Variants in PGR observed in about 807,000 individuals in gnomAD.
The protein encoded by PGR is progesterone receptor, also known as nuclear receptor subfamily 3 group C member 3.
A neutral mutation model predicts 76.1 loss-of-function variants in PGR; 25 were observed. The ratio of observed to expected loss-of-function variants is 0.33; its 90% confidence interval spans 0.24 to 0.46. PGR has a LOEUF of 0.46. Ranked by LOEUF, PGR falls within the 20% of genes least tolerant of loss-of-function variation. The pLI is 1.00. For missense variants in PGR, 1,172 were observed against 1,225.3 expected, an observed-to-expected ratio of 0.96 and a Z score of 0.65; for synonymous variants, 579 against 535.0, an observed-to-expected ratio of 1.08 and a Z score of -1.14.
chr11:101,105,856 C>T (rs572415033), intron 2 of PGR, among the ~76,000 whole-genome samples: 1 of 152,272 alleles, frequency 6.6e-6, no homozygotes, highest in East Asian at 1.9e-4. Flanking sequence ...ACCAAAACAG[C>T]ATGGCACTGG....
chr11:101,045,835 T>C (rs1048421729), intron 6 of PGR, among the ~76,000 whole-genome samples: 1 of 152,138 alleles, frequency 6.6e-6, no homozygotes, highest in Admixed American at 6.6e-5. Flanking sequence ...GACATAATGA[T>C]TTCTTTTCCT....
chr11:101,106,079 A>G (rs562906716), intron 2 of PGR, among the ~76,000 whole-genome samples: 3 of 152,338 alleles, frequency 2.0e-5, no homozygotes, highest in Admixed American at 2.0e-4. Context: ...AATTAACTCA[A>G]GATGGATTAA....
In PGR at chr11:101,036,785, A is replaced by C. The variant is rs1481833825; in HGVS notation, c.*2331T>G. ...ACCACATTCTATTCCCTCATAGTTG[A>C]GTGAAATTAGAAAATTTTAAAGTTA... On this transcript the variant is annotated 3_prime_UTR_variant, in exon 8 of 8. Coordinates refer to ENST00000325455, the MANE Select transcript of PGR (RefSeq NM_000926.4). The C allele has an allele frequency of 5.1e-6, 1 of 194,520 alleles. No individual in the cohort carries two copies. The highest frequency in any genetic ancestry group is 1.1e-5 in the Non-Finnish European group (1 of 93,328). The allele number at this position is 194,520 out of a possible 1,614,324, so 12.0% of individuals were successfully genotyped here. A position where few individuals can be genotyped will look rare whatever the true frequency, so the allele number is the denominator to read the frequency against.
chr11:101,096,709 A>C (rs1861845592), intron 2 of PGR, among the ~76,000 whole-genome samples: 1 of 152,216 alleles, frequency 6.6e-6, no homozygotes, highest in Non-Finnish European at 1.5e-5. Flanking sequence ...TTCTTCAGAC[A>C]ACAGCCCACA....
At position 101,062,672 on chromosome 11, in the gene PGR, G is replaced by A. The variant is rs768769081; in HGVS notation, c.1987C>T (p.Pro663Ser). ...TGGCTTAGGGCTTGGCTTTCATTTGGAACGCCCACTGGCTGTGGGAGAGCA... is the reference window on the plus strand; with the variant it reads ...TGGCTTAGGGCTTGGCTTTCATTTGAAACGCCCACTGGCTGTGGGAGAGCA... ...AVALPQPVGV[P>S]NESQALSQRF... Residue 663 changes from proline to serine, a missense_variant, in exon 4 of 8, where the codon CCA (proline) becomes TCA (serine). Around this residue, in one of 4 missense-constraint regions of PGR, gnomAD observed 73 missense variants for 60.7 expected, o/e 1.20. Coordinates refer to ENST00000325455, the MANE Select transcript of PGR (RefSeq NM_000926.4). The A allele has an allele frequency of 3.7e-6, 6 of 1,613,878 alleles. No individual in the cohort carries two copies. Among genetic ancestry groups the A allele is most frequent in the Non-Finnish European group, 4.2e-6 (5 of 1,179,874 alleles).
chr11:101,041,766 C>T, intron 7 of PGR, 179 bp downstream of exon 7: 1 of 595,096 alleles, frequency 1.7e-6, no homozygotes, highest in Non-Finnish European at 2.9e-6. Context: ...TTTGAGTGGT[C>T]TATATTGAAA....
chr11:101,128,863 A>T lies in PGR; in HGVS notation c.208T>A (p.Ser70Thr). The T allele has an allele frequency of 6.2e-7, 1 of 1,614,082 alleles. No homozygotes were observed. The highest frequency in any genetic ancestry group is 8.5e-7 in the Non-Finnish European group (1 of 1,180,028). The stretch of plus-strand genomic sequence containing the variant: ...TGCTGGTCCTGCGTCTTTTCGTCGG[A>T]GGGGTCCTGTCCCTGGCAGGGCCGA... Reference protein sequence around the residue: ...FPRPCQGQDPSDEKTQDQQSL... With the variant: ...FPRPCQGQDPTDEKTQDQQSL... Residue 70 changes from serine (S) to threonine (T), a missense_variant, in exon 1 of 8, where the codon TCC (serine) becomes ACC (threonine). Physicochemically the swap from Ser to Thr is moderately conservative, Grantham distance 58 (BLOSUM62 1). Transcript: ENST00000325455.
intron 2 of PGR, among the ~76,000 whole-genome samples, chr11:101,092,217 A>C (rs1163279604): frequency 6.6e-6 from 1 of 152,236 alleles, no homozygotes; most frequent in Non-Finnish European, 1.5e-5. Context: ...GATAAGCATT[A>C]GTTGTACCAG....
Position 101,062,710 on chromosome 11 carries a change from G to A in PGR, c.1949C>T (p.Ala650Val). ...CTGTGGGAGAGCAACAGCATCCAGT[G>A]CTCTCACAACTCTGACTTTATTGAA... ...KKFNKVRVVRALDAVALPQPV... is the reference protein window; with the variant it reads ...KKFNKVRVVRVLDAVALPQPV... Residue 650 changes from alanine to valine, a missense_variant, in exon 4 of 8, where the codon GCA becomes GTA. By Grantham distance (64) the Ala-to-Val change is moderately conservative. Transcript: ENST00000325455. 2 of 1,613,688 alleles carry A rather than the reference G, an allele frequency of 1.2e-6. 1 individual carries two copies.
intron 3 of PGR, among the ~76,000 whole-genome samples, chr11:101,070,740 A>C (rs1860903857): frequency 6.6e-6 from 1 of 152,168 alleles, no homozygotes; most frequent in African/African-American, 2.4e-5. Flanking sequence ...CCACTGCAGC[A>C]TGGCAAAGCT....
At position 101,033,583 on chromosome 11, in the gene PGR, G is replaced by A. The variant is rs2135368059; in HGVS notation, c.*5533C>T. ...TAATTGTTATTCATGCTGCTCAGCA[G>A]CTTTCATTGATATGTCTTTGAATAA... On this transcript the variant is annotated 3_prime_UTR_variant, in exon 8 of 8. Coordinates refer to ENST00000325455, the MANE Select transcript of PGR (RefSeq NM_000926.4). The A allele has an allele frequency of 5.1e-6, 1 of 196,178 alleles. No individual in the cohort carries two copies. Among genetic ancestry groups the A allele is most frequent in the Non-Finnish European group, 1.1e-5 (1 of 94,374 alleles). The allele number at this position is 196,178 out of a possible 1,614,324, so 12.2% of individuals were successfully genotyped here.
At chr11:101,086,583 A>G (rs1183932269) in intron 3 of PGR, among the ~76,000 whole-genome samples, 1 of 152,210 alleles carries the variant, frequency 6.6e-6, no homozygotes, top group African/African-American at 2.4e-5. Flanking sequence ...AGTGCTAGCC[A>G]GAGCAGTCAG....
rs897517961 is a variant in PGR at position 101,029,658 on chromosome 11, T to C, written c.*9458A>G. Reference sequence around the variant, plus strand: ...GTTTATTCTTTATTATCACACAGAATAACAAGAATTAGAGTTAAATTCACA... The same window carrying C: ...GTTTATTCTTTATTATCACACAGAACAACAAGAATTAGAGTTAAATTCACA... On this transcript the variant is annotated 3_prime_UTR_variant, in exon 8 of 8. Coordinates refer to ENST00000325455, the MANE Select transcript of PGR (RefSeq NM_000926.4). 2.1e-5 allele frequency: 4 copies of C among 195,106 alleles called. No homozygotes were observed. The highest frequency in any genetic ancestry group is 9.3e-5 in the African/African-American group (4 of 43,214). 12.1% of individuals were successfully genotyped at this position (195,106 alleles called of 1,614,324 possible). A position where few individuals can be genotyped will look rare whatever the true frequency, so the allele number is the denominator to read the frequency against.
At chr11:101,054,721 G>T (rs1479648883) in intron 4 of PGR, among the ~76,000 whole-genome samples, 1 of 152,098 alleles carries the variant, frequency 6.6e-6, no homozygotes, top group Non-Finnish European at 1.5e-5. Context: ...TATTATCATT[G>T]AATCTAAATT....
At chr11:101,103,351 C>T (rs1041573922) in intron 2 of PGR, among the ~76,000 whole-genome samples, 4 of 152,032 alleles carry the variant, frequency 2.6e-5, no homozygotes, top group Admixed American at 1.3e-4. Context: ...GACCACTGGG[C>T]ACTGAACACC....
At chr11:101,064,366 A>C (rs1186593501) in intron 3 of PGR, among the ~76,000 whole-genome samples, 4 of 147,678 alleles carry the variant, frequency 2.7e-5, no homozygotes, top group African/African-American at 1.0e-4. Context: ...AAAAAAAAAA[A>C]AAAAACAGCC....
rs1350293118 is a variant in PGR, at chr11:101,033,033, T to C, written c.*6083A>G. 2 of 195,304 alleles carry C rather than the reference T, an allele frequency of 1.0e-5. No homozygotes were observed. The highest frequency in any genetic ancestry group is 4.6e-5 in the African/African-American group (2 of 43,264). 12.1% of individuals were successfully genotyped at this position (195,304 alleles called of 1,614,324 possible). On this transcript the variant is annotated 3_prime_UTR_variant, in exon 8 of 8. Transcript: ENST00000325455. ...TCTCAAAATACAAAGAACTTTGATA[T>C]TTTCTTCTGTTTCTTTCAAATTTCA...
chr11:101,045,652 ATAC>A (rs1170666581), intron 6 of PGR, among the ~76,000 whole-genome samples: 1 of 147,530 alleles, frequency 6.8e-6, no homozygotes, highest in Non-Finnish European at 1.5e-5. Flanking sequence ...TGATTGCTGA[ATAC>A]TATTCCATTT....
intron 4 of PGR, among the ~76,000 whole-genome samples, chr11:101,060,341 C>G (rs1860447642): frequency 6.6e-6 from 1 of 152,136 alleles, no homozygotes; most frequent in Admixed American, 6.6e-5. Flanking sequence ...CTTTTACATG[C>G]AAAACTGATG....
Sources: gnomAD v4.1 joint callset for allele counts (sites outside exome capture counted in the v4.1 genomes callset) on GRCh38, gnomAD v4.1.1 for gene constraint, gnomAD v4.1.1 regional missense constraint, MANE v1.5 for transcripts, NCBI Gene and HGNC (gene_info 2026-07-23, HGNC 2026-07-21) for gene names.